Variants in SCAPER observed in about 807,000 individuals in gnomAD.
The protein encoded by SCAPER is S phase cyclin A-associated protein in the endoplasmic reticulum.
In SCAPER, 98 loss-of-function variants were observed where a neutral mutation model predicts 182.2. The observed-to-expected ratio is 0.54, with a 90% CI of 0.46 to 0.64. The LOEUF (loss-of-function observed/expected upper bound fraction) is 0.64. SCAPER is among the 30% of genes least tolerant of loss of function. SCAPER has a pLI of 0.00. For synonymous variants in SCAPER, 605 were observed against 564.6 expected (o/e 1.07, Z -1.01); for missense variants, 1,432 against 1,690.0 (o/e 0.85, Z 2.68).
At chr15:76,428,828 G>A (rs776887637) in intron 26 of SCAPER, among the ~76,000 whole-genome samples, 57 of 134,444 alleles carry the variant, frequency 4.2e-4, no homozygotes, top group Non-Finnish European at 7.0e-4. Context: ...AATGTATGAG[G>A]TTATGAACAC....
At chr15:76,545,147 G>A (rs914797123) in intron 23 of SCAPER, among the ~76,000 whole-genome samples, 10 of 151,940 alleles carry the variant, frequency 6.6e-5, no homozygotes, top group African/African-American at 1.9e-4. Flanking sequence ...ATGAATTCAC[G>A]GATTTTTATA....
chr15:76,850,497 G>T (rs1046010479), intron 4 of SCAPER, among the ~76,000 whole-genome samples: 1 of 152,168 alleles, frequency 6.6e-6, no homozygotes, highest in African/African-American at 2.4e-5. Context: ...AATGACCAGA[G>T]TGTCACATGT....
chr15:76,419,557 C>T (rs560943975), intron 26 of SCAPER, among the ~76,000 whole-genome samples: 2 of 151,806 alleles, frequency 1.3e-5, no homozygotes, highest in African/African-American at 4.8e-5. Context: ...CCTGTCTCTA[C>T]GAAAAATACA....
chr15:76,491,582 G>C (rs1399057316), intron 24 of SCAPER, among the ~76,000 whole-genome samples: 1 of 152,064 alleles, frequency 6.6e-6, no homozygotes, highest in Non-Finnish European at 1.5e-5. Context: ...AGTATATGTA[G>C]TTCCAACTTC....
intron 5 of SCAPER, among the ~76,000 whole-genome samples, chr15:76,818,245 C>T (rs2067242183): frequency 6.6e-6 from 1 of 152,156 alleles, no homozygotes; most frequent in Non-Finnish European, 1.5e-5. Flanking sequence ...ACATCACATG[C>T]AAAAACTAAT....
chr15:76,869,869 A>G (rs1254441655), intron 2 of SCAPER, among the ~76,000 whole-genome samples: 1 of 152,182 alleles, frequency 6.6e-6, no homozygotes, highest in Non-Finnish European at 1.5e-5. Context: ...ACAGATGAAT[A>G]AAGAAAAAGT....
chr15:76,735,163 T>C (rs1290700632), intron 15 of SCAPER, among the ~76,000 whole-genome samples: 4 of 151,820 alleles, frequency 2.6e-5, no homozygotes, highest in African/African-American at 9.7e-5. Flanking sequence ...CTGAGCAATG[T>C]AAAATGACTA....
chr15:76,768,884 G>A (rs1214739361), intron 10 of SCAPER, among the ~76,000 whole-genome samples: 2 of 151,682 alleles, frequency 1.3e-5, no homozygotes, highest in Non-Finnish European at 1.5e-5. Flanking sequence ...AAAAACGTTC[G>A]TGGCATCTTT....
At chr15:76,507,669 T>C (rs2041705884) in intron 23 of SCAPER, among the ~76,000 whole-genome samples, 1 of 152,216 alleles carries the variant, frequency 6.6e-6, no homozygotes. Flanking sequence ...CAAATGCTTA[T>C]CTTAATCATT....
chr15:76,754,209 A>G (rs2062269406), intron 14 of SCAPER, among the ~76,000 whole-genome samples: 1 of 152,080 alleles, frequency 6.6e-6, no homozygotes, highest in Non-Finnish European at 1.5e-5. Flanking sequence ...AAATAAAAAT[A>G]ACATTACCTA....
chr15:76,538,579 A>C (rs1357742903), intron 23 of SCAPER, among the ~76,000 whole-genome samples: 1 of 152,032 alleles, frequency 6.6e-6, no homozygotes, highest in African/African-American at 2.4e-5. Flanking sequence ...GGTCGGGGAG[A>C]GGGGAGGGAT....
chr15:76,667,640 A>AC (rs2146796549), intron 20 of SCAPER, among the ~76,000 whole-genome samples: 1 of 79,804 alleles, frequency 1.3e-5, no homozygotes, highest in African/African-American at 5.3e-5. Flanking sequence ...AAAAAAAAAA[A>AC]AAAAAAAAAA....
chr15:76,567,068 T>C (rs554446513), intron 23 of SCAPER, among the ~76,000 whole-genome samples: 16 of 152,128 alleles, frequency 1.1e-4, no homozygotes, highest in Non-Finnish European at 2.4e-4. Context: ...TCTTTATAGT[T>C]TTACCACCTA....
chr15:76,750,575 A>C (rs895530508), intron 15 of SCAPER, among the ~76,000 whole-genome samples: 1 of 151,948 alleles, frequency 6.6e-6, no homozygotes, highest in East Asian at 1.9e-4. Context: ...CACCATGACC[A>C]AGTGGGATTT....
chr15:76,353,937 T>C lies in SCAPER; in HGVS notation c.4047+12A>G, dbSNP rs531612710. 2.8e-5 allele frequency: 44 copies of C among 1,544,936 alleles called. 1 individual carries two copies. The highest frequency in any genetic ancestry group is 1.4e-4 in the Admixed American group (6 of 44,260). ...CACAAAGCTAGACAATTACGTATAA[T>C]GTAGAAGGTACCTGAATGAAAGTGG... On this transcript the variant is annotated intron_variant, in intron 30 of 31. Coordinates refer to ENST00000563290, the MANE Select transcript of SCAPER (RefSeq NM_020843.4).
chr15:76,827,337 C>T (rs1051538001), intron 5 of SCAPER, among the ~76,000 whole-genome samples: 1 of 151,476 alleles, frequency 6.6e-6, no homozygotes, highest in Non-Finnish European at 1.5e-5. Flanking sequence ...ATCCCATAGC[C>T]TGTGGACTCG....
At chr15:76,873,045 T>A (rs1194076052) in intron 2 of SCAPER, among the ~76,000 whole-genome samples, 3 of 146,204 alleles carry the variant, frequency 2.1e-5, no homozygotes, top group South Asian at 2.2e-4. Flanking sequence ...AGGTCTAGAG[T>A]TCAAGACCAG....
At chr15:76,854,425 A>G (rs2071110362) in intron 4 of SCAPER, among the ~76,000 whole-genome samples, 1 of 152,130 alleles carries the variant, frequency 6.6e-6, no homozygotes, top group Non-Finnish European at 1.5e-5. Flanking sequence ...TCTCCACAAG[A>G]AGAATTACAA....
chr15:76,812,173 G>A (rs1362318474), intron 5 of SCAPER, among the ~76,000 whole-genome samples: 2 of 152,102 alleles, frequency 1.3e-5, no homozygotes, highest in African/African-American at 2.4e-5. Flanking sequence ...ACTTAGCCAG[G>A]TGTGGTGGCA....
Sources: allele counts gnomAD v4.1 joint callset (sites outside exome capture counted in the v4.1 genomes callset), GRCh38; gene constraint gnomAD v4.1.1; transcripts MANE v1.5; gene names NCBI Gene and HGNC (gene_info 2026-07-23, HGNC 2026-07-21).